Variants in NEK7 observed in about 807,000 individuals in gnomAD.
NEK7 encodes the protein NIMA related kinase 7.
In NEK7, 18 loss-of-function variants were observed where a neutral mutation model predicts 44.6. The ratio of observed to expected loss-of-function variants is 0.40; its 90% CI spans 0.28 to 0.60. The LOEUF (loss-of-function observed/expected upper bound fraction) is 0.60, where lower values mean the gene tolerates loss of function less well. Among genes scored for constraint, NEK7 ranks in the 20% least tolerant of loss-of-function variants. The pLI, the probability that NEK7 is intolerant of heterozygous loss-of-function variation, is 0.38. For synonymous variants in NEK7, 130 were observed against 121.1 expected (o/e 1.07, Z -0.48); for missense variants, 256 against 366.5 (o/e 0.70, Z 2.46).
At chr1:198,213,986 G>T (rs559870432) in intron 1 of NEK7, among the ~76,000 whole-genome samples, 1 of 152,052 alleles carries the variant, frequency 6.6e-6, no homozygotes, top group African/African-American at 2.4e-5. Flanking sequence ...TGCTATTCTG[G>T]CCCCACAGGA....
intron 9 of NEK7, among the ~76,000 whole-genome samples, chr1:198,313,920 C>T (rs1655269029): frequency 6.6e-6 from 1 of 151,898 alleles, no homozygotes; most frequent in South Asian, 2.1e-4. Context: ...CTTGGAGTTG[C>T]TCTTCTCGAG....
chr1:198,184,755 A>G (rs1178632042), intron 1 of NEK7, among the ~76,000 whole-genome samples: 1 of 152,046 alleles, frequency 6.6e-6, no homozygotes, highest in Non-Finnish European at 1.5e-5. Flanking sequence ...TGCGGCTTCG[A>G]ACTCCAGGGC....
chr1:198,312,973 A>T (rs1284764378), intron 9 of NEK7, among the ~76,000 whole-genome samples: 1 of 151,596 alleles, frequency 6.6e-6, no homozygotes, highest in East Asian at 1.9e-4. Flanking sequence ...TGTAGAGCTG[A>T]GTTCAATTCC....
At chr1:198,181,655 C>T (rs1664770133) in intron 1 of NEK7, among the ~76,000 whole-genome samples, 1 of 151,956 alleles carries the variant, frequency 6.6e-6, no homozygotes, top group Non-Finnish European at 1.5e-5. Context: ...TCCTCAATAA[C>T]AATGATAAGA....
chr1:198,178,378 G>A (rs184317718), intron 1 of NEK7, among the ~76,000 whole-genome samples: 1 of 152,064 alleles, frequency 6.6e-6, no homozygotes, highest in East Asian at 1.9e-4. Context: ...TTCAGTTCAT[G>A]CTCTTGAGTT....
At chr1:198,276,689 T>G (rs963582106) in intron 5 of NEK7, among the ~76,000 whole-genome samples, 3 of 151,794 alleles carry the variant, frequency 2.0e-5, no homozygotes, top group Non-Finnish European at 4.4e-5. Flanking sequence ...AAATTGCTAA[T>G]AAATTTATTT....
chr1:198,166,198 A>G (rs1165816492), intron 1 of NEK7, among the ~76,000 whole-genome samples: 2 of 152,242 alleles, frequency 1.3e-5, no homozygotes, highest in Non-Finnish European at 2.9e-5. Context: ...TGGTGTGTTC[A>G]CTGAGTATCA....
chr1:198,274,281 C>A (rs1385680245), intron 5 of NEK7, among the ~76,000 whole-genome samples: 1 of 151,132 alleles, frequency 6.6e-6, no homozygotes, highest in Non-Finnish European at 1.5e-5. Flanking sequence ...ATTTTTTTAA[C>A]CACAGCAGTA....
intron 1 of NEK7, among the ~76,000 whole-genome samples, chr1:198,179,819 A>ATGTGTG (rs879315515): frequency 8.3e-6 from 1 of 121,074 alleles, no homozygotes; most frequent in Non-Finnish European, 1.7e-5. Context: ...GTGTGTATGT[A>ATGTGTG]TGTGTGTGTG....
intron 3 of NEK7, chr1:198,256,487 T>A (rs776244327): frequency 1.3e-6 from 2 of 1,589,638 alleles, no homozygotes; most frequent in East Asian, 4.5e-5. Flanking sequence ...TGCAAAAAAA[T>A]AAGATGGTAC....
rs575074709 is a variant in NEK7 at position 198,227,038 on chromosome 1, G to GC, written c.-28-5511dup. ...CCCCCGCTCCCCCACCCCACAACAGGCCCCAGTGTGTGATGTTCCCCTTCC... is the reference window on the plus strand; with the variant it reads ...CCCCCGCTCCCCCACCCCACAACAGGCCCCCAGTGTGTGATGTTCCCCTTCC... On this transcript the variant is annotated intron_variant, in intron 1 of 9. Coordinates refer to ENST00000367385, the MANE Select transcript of NEK7 (RefSeq NM_133494.3). 3.3e-3 allele frequency among the ~76,000 whole-genome samples: 498 copies of GC among 151,948 alleles called. 1 individual carries two copies. The highest frequency in any genetic ancestry group is 5.4e-3 in the Non-Finnish European group (365 of 67,990).
chr1:198,209,043 A>G (rs1322957512), intron 1 of NEK7, among the ~76,000 whole-genome samples: 4 of 43,552 alleles, frequency 9.2e-5, no homozygotes, highest in African/African-American at 3.4e-4. Flanking sequence ...GTGTGTATAT[A>G]TATATATATA....
In NEK7 at chr1:198,251,804, T is replaced by G. The variant is rs1196391941; in HGVS notation, c.58-1236T>G. 3.9e-5 allele frequency among the ~76,000 whole-genome samples: 6 copies of G among 152,284 alleles called. No homozygotes were observed. In the East Asian group the frequency reaches 1.2e-3, roughly 29 times the overall value. On this transcript the variant is annotated intron_variant, in intron 2 of 9. Coordinates refer to ENST00000367385, the MANE Select transcript of NEK7 (RefSeq NM_133494.3). ...AGTCTTGCTAGCAGTCTATCAATTT[T>G]GTTGATCCTTTCAAAAAACCAGCTC...
intron 3 of NEK7, among the ~76,000 whole-genome samples, chr1:198,256,841 A>G (rs1281777915): frequency 6.6e-6 from 1 of 152,178 alleles, no homozygotes; most frequent in Non-Finnish European, 1.5e-5. Flanking sequence ...TACGTTCTTT[A>G]TGTTGGAAGA....
intron 1 of NEK7, among the ~76,000 whole-genome samples, chr1:198,165,559 A>T (rs1360981984): frequency 1.3e-5 from 2 of 152,196 alleles, no homozygotes; most frequent in African/African-American, 2.4e-5. Flanking sequence ...TTTTCTGAGC[A>T]GTCGGTCTCA....
At chr1:198,234,516 GT>G (rs1274991728) in intron 2 of NEK7, among the ~76,000 whole-genome samples, 3 of 152,050 alleles carry the variant, frequency 2.0e-5, no homozygotes, top group African/African-American at 4.8e-5. Context: ...GAGATTCACA[GT>G]TTTAAACAAC....
At chr1:198,186,024 T>A (rs1400660581) in intron 1 of NEK7, among the ~76,000 whole-genome samples, 2 of 152,226 alleles carry the variant, frequency 1.3e-5, no homozygotes, top group African/African-American at 4.8e-5. Context: ...GATAATCTTA[T>A]CTCGAAGGAG....
chr1:198,157,931 GC>G (rs1363799130), intron 1 of NEK7, among the ~76,000 whole-genome samples: 5 of 152,128 alleles, frequency 3.3e-5, no homozygotes, highest in Admixed American at 3.3e-4. Context: ...GAAAACTGAG[GC>G]CAAAGTCAGA....
At chr1:198,183,506 G>A (rs776789102) in intron 1 of NEK7, among the ~76,000 whole-genome samples, 2 of 152,148 alleles carry the variant, frequency 1.3e-5, no homozygotes, top group African/African-American at 2.4e-5. Context: ...AGCCAATTGA[G>A]TATTATGCAT....
Sources: gnomAD v4.1 joint callset for allele counts (sites outside exome capture counted in the v4.1 genomes callset) on GRCh38, gnomAD v4.1.1 for gene constraint, MANE v1.5 for transcripts, NCBI Gene and HGNC (gene_info 2026-07-23, HGNC 2026-07-21) for gene names.